The following SIPA1L2 variants were observed in gnomAD, a reference collection of about 807,000 sequenced individuals.
SIPA1L2 encodes signal-induced proliferation-associated 1-like protein 2.
SIPA1L2 carries 56 observed loss-of-function variants against 163.9 expected under a neutral mutation model. That is an observed-to-expected ratio of 0.34 (90% CI 0.28 to 0.43). The LOEUF (loss-of-function observed/expected upper bound fraction) is 0.43. Ranked by LOEUF, SIPA1L2 falls within the 20% of genes least tolerant of loss-of-function variation. The pLI is 1.00. For synonymous variants in SIPA1L2, 877 were observed against 865.7 expected (o/e 1.01, Z -0.23); for missense variants, 1,974 against 2,193.5 (o/e 0.90, Z 2.00).
At chr1:232,612,729 A>T (rs1662311180) in intron 1 of SIPA1L2, among the ~76,000 whole-genome samples, 2 of 152,262 alleles carry the variant, frequency 1.3e-5, no homozygotes, top group South Asian at 4.1e-4. Context: ...AGGAACTTGT[A>T]TTGTCTCAGA....
intron 15 of SIPA1L2, among the ~76,000 whole-genome samples, chr1:232,434,035 C>T (rs978670362): frequency 1.3e-4 from 20 of 152,124 alleles, no homozygotes; most frequent in African/African-American, 1.9e-4. Flanking sequence ...ATTATATAAA[C>T]GTAGTTACAG....
rs192984546 is a variant in SIPA1L2, at chr1:232,476,718, C to T, written c.2085+2909G>A. 2.4e-3 allele frequency among the ~76,000 whole-genome samples: 368 copies of T among 152,316 alleles called. 1 individual carries two copies. Among genetic ancestry groups the T allele is most frequent in the African/African-American group, 4.5e-3 (188 of 41,558 alleles). On this transcript the variant is annotated intron_variant, in intron 7 of 22. Coordinates refer to ENST00000674635, the MANE Select transcript of SIPA1L2 (RefSeq NM_020808.5). Reference sequence around the variant, plus strand: ...AGTTTTTCTACGCAAGAGTCAGAGACCATTCCAAAGATTAAAGCTCTTTTG... The same window carrying T: ...AGTTTTTCTACGCAAGAGTCAGAGATCATTCCAAAGATTAAAGCTCTTTTG...
intron 2 of SIPA1L2, among the ~76,000 whole-genome samples, chr1:232,517,440 A>G (rs1369947347): frequency 1.3e-5 from 2 of 152,200 alleles, no homozygotes; most frequent in Non-Finnish European, 2.9e-5. Flanking sequence ...CTTGTAACCT[A>G]TTCACCACGC....
chr1:232,487,919 T>TACACACACACAC (rs5781699), intron 5 of SIPA1L2, among the ~76,000 whole-genome samples: 33 of 144,300 alleles, frequency 2.3e-4, no homozygotes, highest in African/African-American at 7.9e-4. Context: ...GTAATTAGGT[T>TACACACACACAC]ACACACACAC....
chr1:232,484,951 A>G lies in SIPA1L2; in HGVS notation c.1807-985T>C, dbSNP rs574467294. The stretch of plus-strand genomic sequence containing the variant: ...CAAAATTCATAGCTATCTTAGTAAA[A>G]TAAGGCAAAATGATACTCATTTCCC... On this transcript the variant is annotated intron_variant, in intron 5 of 22. Coordinates refer to ENST00000674635, the MANE Select transcript of SIPA1L2 (RefSeq NM_020808.5). Among the ~76,000 whole-genome samples, 19 of 152,354 alleles carry G rather than the reference A, an allele frequency of 1.2e-4. No individual in the cohort carries two copies. In the East Asian group the frequency reaches 3.5e-3, roughly 28 times the overall value.
chr1:232,543,335 T>C (rs956178452), intron 2 of SIPA1L2, among the ~76,000 whole-genome samples: 1 of 152,244 alleles, frequency 6.6e-6, no homozygotes, highest in African/African-American at 2.4e-5. Context: ...GGGTTTGCAC[T>C]GCATGGGTCC....
intron 2 of SIPA1L2, among the ~76,000 whole-genome samples, chr1:232,528,800 C>A (rs1667840391): frequency 6.6e-6 from 1 of 152,204 alleles, no homozygotes; most frequent in Non-Finnish European, 1.5e-5. Context: ...AGGCATACCA[C>A]CCTCAAATAA....
chr1:232,468,209 G>A (rs1028006931), intron 8 of SIPA1L2, among the ~76,000 whole-genome samples: 8 of 152,170 alleles, frequency 5.3e-5, no homozygotes, highest in Non-Finnish European at 1.2e-4. Flanking sequence ...GTGTGGAAAC[G>A]AGAACTTACA....
At chr1:232,566,683 T>C (rs973544147) in intron 2 of SIPA1L2, among the ~76,000 whole-genome samples, 5 of 152,212 alleles carry the variant, frequency 3.3e-5, no homozygotes, top group African/African-American at 9.7e-5. Context: ...AACCATTTAA[T>C]CTCCACTTAA....
At chr1:232,539,973 A>G (rs76926714) in intron 2 of SIPA1L2, among the ~76,000 whole-genome samples, 2,301 of 152,276 alleles carry the variant, frequency 0.015, 52 homozygotes, top group African/African-American at 0.053. Flanking sequence ...ATGCCTGTAT[A>G]GCGTGTAAAA....
At chr1:232,629,036 T>G (rs907789219) in intron 1 of SIPA1L2, among the ~76,000 whole-genome samples, 4 of 152,240 alleles carry the variant, frequency 2.6e-5, no homozygotes, top group Non-Finnish European at 5.9e-5. Context: ...CACAATTCCG[T>G]AACCAATGCA....
chr1:232,591,128 C>T (rs193209777), intron 1 of SIPA1L2, among the ~76,000 whole-genome samples: 3 of 152,182 alleles, frequency 2.0e-5, no homozygotes, highest in African/African-American at 7.2e-5. Flanking sequence ...AGCACCCTAT[C>T]TGAAAATAGC....
At chr1:232,421,720 T>G (rs546355690) in intron 18 of SIPA1L2, among the ~76,000 whole-genome samples, 4 of 152,294 alleles carry the variant, frequency 2.6e-5, no homozygotes, top group Admixed American at 1.3e-4. Context: ...AAGCAACATG[T>G]GCAAGTATTA....
At chr1:232,610,935 T>C (rs1662204581) in intron 1 of SIPA1L2, among the ~76,000 whole-genome samples, 1 of 152,216 alleles carries the variant, frequency 6.6e-6, no homozygotes, top group African/African-American at 2.4e-5. Flanking sequence ...ACCAACGCTC[T>C]CTGACTGATA....
intron 2 of SIPA1L2, among the ~76,000 whole-genome samples, chr1:232,518,216 A>G (rs1231845570): frequency 6.6e-6 from 1 of 152,170 alleles, no homozygotes; most frequent in Non-Finnish European, 1.5e-5. Context: ...GAATTTTGAA[A>G]ACTTGTTTGT....
intron 1 of SIPA1L2, among the ~76,000 whole-genome samples, chr1:232,602,828 T>A (rs528584445): frequency 6.6e-6 from 1 of 152,226 alleles, no homozygotes; most frequent in South Asian, 2.1e-4. Flanking sequence ...GGCAGCTACA[T>A]GGGGCCGTTG....
intron 2 of SIPA1L2, among the ~76,000 whole-genome samples, chr1:232,558,197 T>C (rs958193288): frequency 6.6e-6 from 1 of 152,194 alleles, no homozygotes. Context: ...GAGGTAAGAT[T>C]TGACTGTATC....
intron 1 of SIPA1L2, among the ~76,000 whole-genome samples, chr1:232,621,311 T>G (rs147836436): frequency 0.01 from 1,530 of 152,292 alleles, 15 homozygotes; most frequent in African/African-American, 0.035. Context: ...CTTTCAGTGA[T>G]AGTGAGTCGG....
intron 5 of SIPA1L2, among the ~76,000 whole-genome samples, chr1:232,485,827 C>T (rs1665618091): frequency 6.6e-6 from 1 of 152,162 alleles, no homozygotes; most frequent in Non-Finnish European, 1.5e-5. Context: ...TAATTAGAGT[C>T]CACCGTTAAT....
Sources: gnomAD v4.1 joint callset for allele counts (sites outside exome capture counted in the v4.1 genomes callset) on GRCh38, gnomAD v4.1.1 for gene constraint, MANE v1.5 for transcripts, NCBI Gene and HGNC (gene_info 2026-07-23, HGNC 2026-07-21) for gene names.